DIS3L2: variants seen among roughly 807,000 people sequenced by gnomAD.
DIS3L2 encodes DIS3 like 3'-5' exoribonuclease 2.
DIS3L2 carries 34 observed loss-of-function variants against 97.5 expected under a neutral mutation model. The ratio of observed to expected loss-of-function variants is 0.35; its 90% confidence interval spans 0.27 to 0.46. DIS3L2 has a LOEUF of 0.46. Among genes scored for constraint, DIS3L2 ranks in the 20% least tolerant of loss-of-function variants. The probability of loss-of-function intolerance (pLI) is 1.00; values close to 1 mark genes in which losing one functional copy is unlikely to be tolerated. For missense variants in DIS3L2, 1,038 were observed against 1,146.0 expected (o/e 0.91, Z 1.36); for synonymous variants, 435 against 445.2 (o/e 0.98, Z 0.29).
At chr2:231,995,934 T>C (rs991390668) in intron 1 of DIS3L2, among the ~76,000 whole-genome samples, 8 of 152,320 alleles carry the variant, frequency 5.3e-5, no homozygotes, top group Admixed American at 4.6e-4. Flanking sequence ...AAATTGGTCA[T>C]TTGGGACAAA....
intron 8 of DIS3L2, among the ~76,000 whole-genome samples, chr2:232,145,557 C>T (rs556460610): frequency 1.2e-4 from 19 of 152,168 alleles, no homozygotes; most frequent in Non-Finnish European, 2.4e-4. Flanking sequence ...ATTTCCCACA[C>T]AGTAACTGAT....
intron 14 of DIS3L2, among the ~76,000 whole-genome samples, chr2:232,328,224 C>G (rs1349387625): frequency 2.0e-5 from 3 of 152,328 alleles, no homozygotes; most frequent in Middle Eastern, 3.4e-3. Context: ...TGTGGTCACA[C>G]ATCCCAGCTG....
chr2:232,333,756 G>GACAAT lies in DIS3L2; in HGVS notation c.2011-84_2011-83insACAAT. ...GGTCTGTCCACACATCGCTGCCGAC[G>GACAAT]GTGAGGCTGTGGGTGGTGCCAGCCT... On this transcript the variant is annotated intron_variant, in intron 16 of 20. Coordinates refer to ENST00000325385, the MANE Select transcript of DIS3L2 (RefSeq NM_152383.5). The GACAAT allele has an allele frequency of 2.0e-5, 29 of 1,487,158 alleles. No homozygotes were observed. In the Admixed American group the frequency reaches 2.0e-4, roughly 11 times the overall value. The allele number at this position is 1,487,158 out of a possible 1,614,324, so 92.1% of individuals were successfully genotyped here.
chr2:231,994,563 C>T (rs1028249505), intron 1 of DIS3L2, among the ~76,000 whole-genome samples: 1 of 152,050 alleles, frequency 6.6e-6, no homozygotes, highest in Non-Finnish European at 1.5e-5. Flanking sequence ...GGCCCCTTTA[C>T]CCTCCCTGCT....
chr2:232,305,660 T>A (rs1378184112), intron 14 of DIS3L2, among the ~76,000 whole-genome samples: 3 of 152,126 alleles, frequency 2.0e-5, no homozygotes, highest in Admixed American at 6.6e-5. Flanking sequence ...TTTTTTATCA[T>A]AAGATCATCT....
intron 5 of DIS3L2, among the ~76,000 whole-genome samples, chr2:232,038,116 A>G (rs1055388751): frequency 2.0e-5 from 3 of 152,190 alleles, no homozygotes; most frequent in African/African-American, 7.2e-5. Flanking sequence ...TTGAAAGCAT[A>G]GCTAAAGGCT....
chr2:232,019,287 C>T (rs1694444761), intron 3 of DIS3L2, among the ~76,000 whole-genome samples: 1 of 152,158 alleles, frequency 6.6e-6, no homozygotes, highest in Admixed American at 6.6e-5. Flanking sequence ...TGTGGTGGCT[C>T]ACGCCTGTAA....
At chr2:232,271,686 C>T (rs868612424) in intron 13 of DIS3L2, among the ~76,000 whole-genome samples, 7 of 152,308 alleles carry the variant, frequency 4.6e-5, no homozygotes, top group East Asian at 1.9e-4. Flanking sequence ...TGTGTGCCCT[C>T]TTAGCTGTTC....
chr2:232,024,415 A>G (rs1318223797), intron 4 of DIS3L2, 85 bp downstream of exon 4: 7 of 1,124,566 alleles, frequency 6.2e-6, no homozygotes, highest in Non-Finnish European at 9.1e-6. Context: ...TATTCTAACT[A>G]AAAAGCAGAG....
exon 14 of DIS3L2, chr2:232,343,690 T>C: frequency 8.7e-7 from 1 of 1,145,882 alleles, no homozygotes. Context: ...GAGCTGGATG[T>C]GGGTGCTGAT....
At chr2:232,026,912 C>T (rs1245153880) in intron 4 of DIS3L2, among the ~76,000 whole-genome samples, 1 of 152,074 alleles carries the variant, frequency 6.6e-6, no homozygotes, top group South Asian at 2.1e-4. Context: ...TTCTATGCCT[C>T]TTTTATTCTT....
intron 8 of DIS3L2, among the ~76,000 whole-genome samples, chr2:232,149,388 C>A (rs1262128722): frequency 8.8e-6 from 1 of 113,574 alleles, no homozygotes; most frequent in Non-Finnish European, 1.8e-5. Context: ...TGATATTCCC[C>A]TTCCTGTGTC....
rs185511216 is a variant in DIS3L2, at chr2:232,192,696, G to A, written c.1125-17630G>A. On this transcript the variant is annotated intron_variant, in intron 9 of 20. Transcript: ENST00000325385. ...GAAGTGGTGACTGTAATGTCCTGTC[G>A]TAGCTTTCGATAATGATAAAGTGTT... is the stretch of plus-strand genomic sequence containing the variant. 3.3e-4 allele frequency among the ~76,000 whole-genome samples: 51 copies of A among 152,330 alleles called. No homozygotes were observed. In the East Asian group the frequency reaches 9.2e-3, roughly 28 times the overall value.
intron 14 of DIS3L2, among the ~76,000 whole-genome samples, chr2:232,303,390 AGGGGCCCAT>A (rs1694911425): frequency 6.6e-6 from 1 of 152,228 alleles, no homozygotes; most frequent in Non-Finnish European, 1.5e-5. Context: ...CAGACCCTTA[AGGGGCCCAT>A]GTTGTCTCAG....
intron 7 of DIS3L2, among the ~76,000 whole-genome samples, chr2:232,132,434 T>C (rs1379120108): frequency 1.3e-5 from 2 of 151,924 alleles, no homozygotes; most frequent in Admixed American, 6.6e-5. Context: ...AGGATAACTG[T>C]AAACCCTGGA....
intron 10 of DIS3L2, among the ~76,000 whole-genome samples, chr2:232,220,949 C>A (rs921581546): frequency 6.6e-6 from 1 of 150,712 alleles, no homozygotes; most frequent in African/African-American, 2.4e-5. Context: ...CTAAAAAATA[C>A]AAAATTAGCC....
chr2:232,242,196 T>C (rs1159169538), intron 11 of DIS3L2, among the ~76,000 whole-genome samples: 1 of 152,242 alleles, frequency 6.6e-6, no homozygotes, highest in Non-Finnish European at 1.5e-5. Flanking sequence ...TGAATTAATC[T>C]ATTTCCTTTA....
chr2:232,204,772 A>G (rs1574944246), intron 9 of DIS3L2, among the ~76,000 whole-genome samples: 1 of 152,156 alleles, frequency 6.6e-6, no homozygotes, highest in African/African-American at 2.4e-5. Context: ...CACCGCCTCC[A>G]TCACCCTCAA....
At chr2:232,141,973 AGTTT>A (rs1690060944) in intron 8 of DIS3L2, among the ~76,000 whole-genome samples, 1 of 152,222 alleles carries the variant, frequency 6.6e-6, no homozygotes, top group African/African-American at 2.4e-5. Context: ...AGAAGAAATT[AGTTT>A]GTTTCATTGA....
Sources: gnomAD v4.1 joint callset for allele counts (sites outside exome capture counted in the v4.1 genomes callset) on GRCh38, gnomAD v4.1.1 for gene constraint, MANE v1.5 for transcripts, NCBI Gene and HGNC (gene_info 2026-07-23, HGNC 2026-07-21) for gene names.